ZNF81: variants seen among roughly 807,000 people sequenced by gnomAD.
The protein encoded by ZNF81 is zinc finger protein 81.
ZNF81 carries 5 observed loss-of-function variants against 32.3 expected under a neutral mutation model. The observed-to-expected ratio is 0.15, with a 90% CI of 0.08 to 0.33. ZNF81 has a LOEUF of 0.33. Ranked by LOEUF, ZNF81 falls within the 10% of genes least tolerant of loss-of-function variation. The probability of loss-of-function intolerance (pLI) is 1.00; values close to 1 mark genes in which losing one functional copy is unlikely to be tolerated. For missense variants in ZNF81, 379 were observed against 479.8 expected, an observed-to-expected ratio of 0.79 and a Z score of 1.96; for synonymous variants, 163 against 166.8, an observed-to-expected ratio of 0.98 and a Z score of 0.17.
chrX:47,842,853 T>G (rs1438749376), intron 1 of ZNF81: 1 of 112,135 alleles, frequency 8.9e-6, no homozygotes, highest in African/African-American at 3.2e-5. Context: ...CTTGAACTCC[T>G]GGCCTCAACT....
intron 3 of ZNF81, among the ~76,000 whole-genome samples, chrX:47,889,195 G>A (rs782754418): frequency 7.9e-4 from 89 of 112,145 alleles, no homozygotes; most frequent in South Asian, 1.9e-3. Flanking sequence ...CTGGACAACC[G>A]ATTACTAAAG....
At chrX:47,879,548 A>G (rs1192080388) in intron 2 of ZNF81, among the ~76,000 whole-genome samples, 1 of 112,206 alleles carries the variant, frequency 8.9e-6, no homozygotes, top group Non-Finnish European at 1.9e-5. Context: ...TGATACCTGC[A>G]CATACAGTGG....
rs1423424492 is a variant in ZNF81, at chrX:47,917,187, A to T, written c.*555A>T. Reference sequence around the variant, plus strand: ...CAAATGTTTCTTACTGAATATGTCTATCAAATATGTTTCTTATTGAATATT... The same window carrying T: ...CAAATGTTTCTTACTGAATATGTCTTTCAAATATGTTTCTTATTGAATATT... On this transcript the variant is annotated 3_prime_UTR_variant, in exon 5 of 5. Coordinates refer to ENST00000338637, the MANE Select transcript of ZNF81 (RefSeq NM_007137.5). 3.4e-6 allele frequency: 1 copy of T among 293,505 alleles called. No homozygotes were observed. The highest frequency in any genetic ancestry group is 2.7e-5 in the African/African-American group (1 of 36,415). The allele number at this position is 293,505 out of a possible 1,213,427, so 24.2% of individuals were successfully genotyped here. A position where few individuals can be genotyped will look rare whatever the true frequency, so the allele number is the denominator to read the frequency against.
rs1556890843 is a variant in ZNF81 at position 47,916,295 on chromosome X, G to C, written c.1649G>C (p.Gly550Ala). Residue 550 changes from glycine to alanine, a missense_variant, in exon 5 of 5, where the codon GGA becomes GCA. Gly to Ala is a moderately conservative substitution (Grantham distance 60). Coordinates refer to ENST00000338637, the MANE Select transcript of ZNF81 (RefSeq NM_007137.5). Reference sequence around the variant, plus strand: ...AATAAACACCAGACCATTCACACTGGAGAGAAACCCTATGTTTGTGCTGAT... The same window carrying C: ...AATAAACACCAGACCATTCACACTGCAGAGAAACCCTATGTTTGTGCTGAT... ...NFNKHQTIHT[G>A]EKPYVCADCG... 8.3e-7 allele frequency: 1 copy of C among 1,211,422 alleles called. No homozygotes were observed. Among genetic ancestry groups the C allele is most frequent in the Admixed American group, 2.2e-5 (1 of 45,957 alleles).
At chrX:47,839,756 T>C (rs1461650698) in intron 1 of ZNF81, among the ~76,000 whole-genome samples, 1 of 112,056 alleles carries the variant, frequency 8.9e-6, no homozygotes, top group Admixed American at 9.4e-5. Context: ...GGAATTGGAC[T>C]GTTTCATCCA....
intron 3 of ZNF81, among the ~76,000 whole-genome samples, chrX:47,888,532 G>T (rs1344278349): frequency 9.0e-6 from 1 of 111,139 alleles, no homozygotes; most frequent in Non-Finnish European, 1.9e-5. Flanking sequence ...TTCAAAGAGA[G>T]TATGGCCCTG....
rs191890392 is a variant in ZNF81 at position 47,846,187 on chromosome X, C to T, written c.-81C>T. On this transcript the variant is annotated 5_prime_UTR_variant, in exon 2 of 5. Coordinates refer to ENST00000338637, the MANE Select transcript of ZNF81 (RefSeq NM_007137.5). ...TCTTCCTTCTGACCCCAGCAGTCCC[C>T]GTTGAGTCCACCGATCCCACTGGAA... 25 of 1,102,017 alleles carry T rather than the reference C, an allele frequency of 2.3e-5. No homozygotes were observed. The Admixed American group carries it at 2.6e-4, about 11-fold the overall frequency. 90.8% of individuals were successfully genotyped at this position (1,102,017 alleles called of 1,213,427 possible).
intron 2 of ZNF81, among the ~76,000 whole-genome samples, chrX:47,859,069 G>A (rs1320165149): frequency 1.3e-4 from 14 of 106,925 alleles, no homozygotes; most frequent in Admixed American, 3.0e-4. Flanking sequence ...TCCAGCCTGG[G>A]CAACAAGAGC....
At chrX:47,893,755 A>T (rs1556886767) in intron 3 of ZNF81, among the ~76,000 whole-genome samples, 1 of 105,771 alleles carries the variant, frequency 9.5e-6, no homozygotes. Context: ...AGATGGTACC[A>T]CTGCACTCCA....
intron 4 of ZNF81, among the ~76,000 whole-genome samples, chrX:47,911,540 C>G (rs1224578386): frequency 8.9e-6 from 1 of 111,765 alleles, no homozygotes; most frequent in Non-Finnish European, 1.9e-5. Context: ...GAAGAAAATA[C>G]TTACCAATAT....
intron 2 of ZNF81, among the ~76,000 whole-genome samples, chrX:47,870,822 T>A (rs1272072771): frequency 1.8e-5 from 2 of 112,229 alleles, no homozygotes; most frequent in African/African-American, 6.5e-5. Context: ...TTTGAATAAA[T>A]TCATCTTTTT....
chrX:47,841,099 A>G, intron 1 of ZNF81: 1 of 861,320 alleles, frequency 1.2e-6, no homozygotes, highest in Non-Finnish European at 1.7e-6. Context: ...GAACCATGAG[A>G]TCTCCTCGAA....
chrX:47,895,559 A>G (rs1475144125), intron 3 of ZNF81, among the ~76,000 whole-genome samples: 1 of 111,623 alleles, frequency 9.0e-6, no homozygotes, highest in African/African-American at 3.3e-5. Flanking sequence ...CTTTAGACAT[A>G]AGAGACAATA....
rs1372034188 is a variant in ZNF81, at chrX:47,915,270, T to C, written c.624T>C (p.His208=). The C allele has an allele frequency of 2.8e-5, 34 of 1,209,745 alleles. No homozygotes were observed. Among genetic ancestry groups the C allele is most frequent in the Non-Finnish European group, 3.8e-5 (34 of 895,110 alleles). The change falls in exon 5 of 5, where the codon CAT becomes CAC. Residue 208 remains histidine (H), a synonymous_variant. Transcript: ENST00000338637. ...SFKHNLDLHI[H]NKSNAAKNLD... ...AGCATAATTTAGACTTACATATTCATAATAAAAGCAATGCAGCAAAGAACC... is the reference window on the plus strand; with the variant it reads ...AGCATAATTTAGACTTACATATTCACAATAAAAGCAATGCAGCAAAGAACC...
chrX:47,841,023 C>A, intron 1 of ZNF81: 1 of 854,238 alleles, frequency 1.2e-6, no homozygotes, highest in South Asian at 2.0e-5. Context: ...GTGTGCCCGT[C>A]TCCTTGAGGA....
Position 47,846,199 on chromosome X carries a change from C to T in ZNF81, c.-69C>T, listed in dbSNP as rs1286009139. ...CCCCAGCAGTCCCCGTTGAGTCCAC[C>T]GATCCCACTGGAATTATAAAGTTGT... On this transcript the variant is annotated 5_prime_UTR_variant, in exon 2 of 5. Coordinates refer to ENST00000338637, the MANE Select transcript of ZNF81 (RefSeq NM_007137.5). 18 of 1,140,244 alleles carry T rather than the reference C, an allele frequency of 1.6e-5. No individual in the cohort carries two copies. In the East Asian group the frequency reaches 2.2e-4, roughly 14 times the overall value. The allele number at this position is 1,140,244 out of a possible 1,213,427, so 94.0% of individuals were successfully genotyped here.
Position 47,916,296 on chromosome X carries a change from A to G in ZNF81, c.1650A>G (p.Gly550=). ...NFNKHQTIHT[G]EKPYVCADCG... ...ATAAACACCAGACCATTCACACTGG[A>G]GAGAAACCCTATGTTTGTGCTGATT... is the stretch of plus-strand genomic sequence containing the variant. Residue 550 remains glycine (G), a synonymous_variant, in exon 5 of 5, where the codon GGA becomes GGG. Coordinates refer to ENST00000338637, the MANE Select transcript of ZNF81 (RefSeq NM_007137.5). The G allele has an allele frequency of 1.7e-6, 2 of 1,211,582 alleles. No homozygotes were observed. The highest frequency in any genetic ancestry group is 2.2e-6 in the Non-Finnish European group (2 of 895,459).
intron 2 of ZNF81, among the ~76,000 whole-genome samples, chrX:47,881,073 G>T (rs782266035): frequency 1.8e-5 from 2 of 112,038 alleles, no homozygotes; most frequent in Admixed American, 1.9e-4. Flanking sequence ...TTTGGAGGGT[G>T]TGGAGTCCTA....
intron 2 of ZNF81, among the ~76,000 whole-genome samples, chrX:47,887,246 AG>A (rs1412798044): frequency 3.4e-4 from 38 of 111,957 alleles, no homozygotes; most frequent in African/African-American, 1.2e-3. Flanking sequence ...TCTTAACATT[AG>A]GGGGTATAAA....
Sources: allele counts gnomAD v4.1 joint callset (sites outside exome capture counted in the v4.1 genomes callset), GRCh38; gene constraint gnomAD v4.1.1; transcripts MANE v1.5; gene names NCBI Gene and HGNC (gene_info 2026-07-23, HGNC 2026-07-21).